ZNF382: variants seen among roughly 807,000 people sequenced by gnomAD.
ZNF382 encodes KRAB/zinc finger suppressor protein 1.
A neutral mutation model predicts 38.8 loss-of-function variants in ZNF382; 20 were observed. The observed-to-expected ratio is 0.51, with a 90% CI of 0.36 to 0.75. The LOEUF (loss-of-function observed/expected upper bound fraction) is 0.75, where lower values mean the gene tolerates loss of function less well. ZNF382 is among the 30% of genes least tolerant of loss of function. ZNF382 has a pLI of 0.00. For missense variants in ZNF382, 546 were observed against 654.1 expected (o/e 0.83, Z 1.80); for synonymous variants, 202 against 223.1 (o/e 0.91, Z 0.84).
chr19:36,607,423 C>G, intron 1 of ZNF382, 129 bp from the exon 2 acceptor site: 4 of 595,166 alleles, frequency 6.7e-6, no homozygotes, highest in Non-Finnish European at 1.2e-5. Context: ...TCCTGGACAT[C>G]TGAAGGGTAC....
At chr19:36,612,068 G>A (rs1360033317) in intron 4 of ZNF382, among the ~76,000 whole-genome samples, 2 of 152,154 alleles carry the variant, frequency 1.3e-5, no homozygotes, top group East Asian at 3.9e-4. Context: ...TCTGACAGAA[G>A]GATAAACCCA....
intron 4 of ZNF382, among the ~76,000 whole-genome samples, chr19:36,621,875 C>A (rs2037173416): frequency 6.6e-6 from 1 of 152,100 alleles, no homozygotes; most frequent in African/African-American, 2.4e-5. Context: ...TGGACCTTTC[C>A]TTATATGATG....
Position 36,627,206 on chromosome 19 carries a change from A to C in ZNF382, c.1309A>C (p.Ile437Leu), listed in dbSNP as rs975324349. The C allele has an allele frequency of 6.2e-6, 10 of 1,613,810 alleles. No homozygotes were observed. The Middle Eastern group carries it at 1.5e-3, about 240-fold the overall frequency. Residue 437 changes from isoleucine (I) to leucine (L), a missense_variant, in exon 5 of 5, where the codon ATT (isoleucine) becomes CTT (leucine). Coordinates refer to ENST00000292928, the MANE Select transcript of ZNF382 (RefSeq NM_032825.5). ...AACTCACACAGGAGAGAAACCCTAT[A>C]TTTGCAATGAATGTGGGAAGTCCTT... is the stretch of plus-strand genomic sequence containing the variant. ...QRTHTGEKPY[I>L]CNECGKSFCQ...
intron 4 of ZNF382, among the ~76,000 whole-genome samples, chr19:36,624,856 GGAGTTCGC>G (rs1281241347): frequency 1.3e-5 from 2 of 151,324 alleles, no homozygotes; most frequent in African/African-American, 4.9e-5. Flanking sequence ...TTTGAGGCCA[GGAGTTCGC>G]GACCAGCCTG....
rs1286080724 is a variant in ZNF382, at chr19:36,617,526, A to G, written c.232+6784A>G. Among the ~76,000 whole-genome samples, 11 of 152,268 alleles carry G rather than the reference A, an allele frequency of 7.2e-5. No individual in the cohort carries two copies. In the East Asian group the frequency reaches 1.7e-3, roughly 24 times the overall value. On this transcript the variant is annotated intron_variant, in intron 4 of 4. Coordinates refer to ENST00000292928, the MANE Select transcript of ZNF382 (RefSeq NM_032825.5). ...GAGATGCCAAGGGGTCCAATAATCA[A>G]TCTGTTCCTATCCAAGCTGTGTTAC...
intron 4 of ZNF382, among the ~76,000 whole-genome samples, chr19:36,614,349 A>G (rs909030443): frequency 2.6e-5 from 4 of 152,190 alleles, no homozygotes; most frequent in African/African-American, 9.7e-5. Context: ...CAAAAAAAGC[A>G]AACAAACAAA....
chr19:36,617,342 C>T (rs1021363492), intron 4 of ZNF382, among the ~76,000 whole-genome samples: 1 of 152,170 alleles, frequency 6.6e-6, no homozygotes, highest in Admixed American at 6.5e-5. Flanking sequence ...CTAACCCAGC[C>T]TCTAGAGTAT....
At chr19:36,624,058 C>T (rs984693906) in intron 4 of ZNF382, among the ~76,000 whole-genome samples, 5 of 151,744 alleles carry the variant, frequency 3.3e-5, no homozygotes, top group Non-Finnish European at 7.4e-5. Context: ...TGTTGCACTC[C>T]AGCCTGAGTG....
At chr19:36,618,209 T>C (rs2037140857) in intron 4 of ZNF382, among the ~76,000 whole-genome samples, 1 of 152,218 alleles carries the variant, frequency 6.6e-6, no homozygotes, top group Non-Finnish European at 1.5e-5. Context: ...TCTTTTATTA[T>C]AACATTTCCA....
intron 4 of ZNF382, among the ~76,000 whole-genome samples, chr19:36,613,735 C>T (rs143093799): frequency 0.01 from 1,530 of 152,022 alleles, 32 homozygotes; most frequent in African/African-American, 0.035. Flanking sequence ...CCACTGTGCC[C>T]GGCTGTATAT....
Position 36,626,773 on chromosome 19 carries a change from A to G in ZNF382, c.876A>G (p.Glu292=), listed in dbSNP as rs2037217391. Residue 292 remains glutamate, a synonymous_variant, in exon 5 of 5, where the codon GAA becomes GAG. Transcript: ENST00000292928. ...VFIMPQRPQT[E]EKPFHCPYCG... is the part of the protein sequence containing the mutation. ...TTATGCCTCAGAGACCTCAAACAGA[A>G]GAGAAACCCTTTCACTGTCCTTACT... is the stretch of plus-strand genomic sequence containing the variant. The G allele has an allele frequency of 1.2e-6, 2 of 1,614,252 alleles. No homozygotes were observed. The highest frequency in any genetic ancestry group is 4.5e-5 in the East Asian group (2 of 44,888).
chr19:36,614,853 A>G (rs1057183870), intron 4 of ZNF382, among the ~76,000 whole-genome samples: 6 of 147,638 alleles, frequency 4.1e-5, no homozygotes, highest in Admixed American at 2.7e-4. Context: ...GGAGGTTGCA[A>G]TGAACCATTT....
At position 36,620,431 on chromosome 19, in the gene ZNF382, G is replaced by A. The variant is rs548321697; in HGVS notation, c.233-5699G>A. On this transcript the variant is annotated intron_variant, in intron 4 of 4. Coordinates refer to ENST00000292928, the MANE Select transcript of ZNF382 (RefSeq NM_032825.5). ...ACCTTGTCTAGGACAATAAATATTT[G>A]TTGACTAAATGAATCTTGTTTCATT... 2.6e-5 allele frequency among the ~76,000 whole-genome samples: 4 copies of A among 152,158 alleles called. No homozygotes were observed. The South Asian group carries it at 8.3e-4, about 32-fold the overall frequency.
At chr19:36,614,263 C>A (rs1355377646) in intron 4 of ZNF382, among the ~76,000 whole-genome samples, 1 of 152,206 alleles carries the variant, frequency 6.6e-6, no homozygotes, top group Middle Eastern at 3.4e-3. Flanking sequence ...TTGCTTGAAC[C>A]CGGAAGGCAC....
At chr19:36,609,030 A>T (rs566637830) in intron 2 of ZNF382, 14 of 152,354 alleles carry the variant, frequency 9.2e-5, no homozygotes, top group African/African-American at 3.4e-4. Flanking sequence ...AGCCTTTTCC[A>T]GTCTTCAGGA....
At chr19:36,615,034 G>A (rs2037115017) in intron 4 of ZNF382, among the ~76,000 whole-genome samples, 1 of 137,798 alleles carries the variant, frequency 7.3e-6, no homozygotes, top group African/African-American at 2.8e-5. Context: ...CCAGGCTGGA[G>A]TGCAGTGGCA....
At chr19:36,614,098 GGGA>G (rs1219006987) in intron 4 of ZNF382, among the ~76,000 whole-genome samples, 2 of 152,072 alleles carry the variant, frequency 1.3e-5, no homozygotes, top group African/African-American at 4.8e-5. Flanking sequence ...CCAGCACTTT[GGGA>G]GGCCGAGGCG....
At chr19:36,616,386 A>G (rs1276676659) in intron 4 of ZNF382, among the ~76,000 whole-genome samples, 1 of 152,218 alleles carries the variant, frequency 6.6e-6, no homozygotes, top group Non-Finnish European at 1.5e-5. Context: ...AAATGTTTAA[A>G]TAATTAATTA....
In ZNF382 at chr19:36,607,573, A is replaced by T. The variant is rs2145310370; in HGVS notation, c.-63A>T. ...TCAGGACTGTTTCTTTTTCCAAAAG[A>T]GGAGCTCAAAAGAGAAAGTTCATCT... On this transcript the variant is annotated 5_prime_UTR_variant, in exon 2 of 5. Coordinates refer to ENST00000292928, the MANE Select transcript of ZNF382 (RefSeq NM_032825.5). 2.6e-6 allele frequency: 4 copies of T among 1,534,630 alleles called. No individual in the cohort carries two copies. The South Asian group carries it at 3.6e-5, about 14-fold the overall frequency.
Sources: gnomAD v4.1 joint callset for allele counts (sites outside exome capture counted in the v4.1 genomes callset) on GRCh38, gnomAD v4.1.1 for gene constraint, MANE v1.5 for transcripts, NCBI Gene and HGNC (gene_info 2026-07-23, HGNC 2026-07-21) for gene names.